Variants in RAP1GAP2 observed in about 807,000 individuals in gnomAD.
RAP1GAP2 encodes the protein RAP1 GTPase activating protein 2, also known as rap1 GTPase-activating protein 2.
Under a neutral mutation model 95.0 loss-of-function variants are expected in RAP1GAP2, and 27 were observed. That is an observed-to-expected ratio of 0.28 (90% CI 0.21 to 0.39). The LOEUF is 0.39. Ranked by LOEUF, RAP1GAP2 falls within the 10% of genes least tolerant of loss-of-function variation. The pLI, the probability that RAP1GAP2 is intolerant of heterozygous loss-of-function variation, is 1.00. For missense variants in RAP1GAP2, 771 were observed against 970.0 expected (o/e 0.79, Z 2.72); for synonymous variants, 373 against 380.9 (o/e 0.98, Z 0.24).
intron 17 of RAP1GAP2, among the ~76,000 whole-genome samples, chr17:3,009,610 C>T (rs922700877): frequency 2.0e-5 from 3 of 152,136 alleles, no homozygotes; most frequent in South Asian, 2.1e-4. Flanking sequence ...CCCCACTGCC[C>T]GGCTGGACCG....
At chr17:3,012,460 A>C (rs2046581893) in intron 17 of RAP1GAP2, among the ~76,000 whole-genome samples, 1 of 151,992 alleles carries the variant, frequency 6.6e-6, no homozygotes, top group South Asian at 2.1e-4. Flanking sequence ...TCTACTAAAA[A>C]TACAAAAATC....
At chr17:2,943,834 C>A (rs546240885) in intron 3 of RAP1GAP2, among the ~76,000 whole-genome samples, 1 of 151,944 alleles carries the variant, frequency 6.6e-6, no homozygotes, top group East Asian at 2.0e-4. Context: ...CACCTCAGAC[C>A]TGTTAGGATG....
intron 17 of RAP1GAP2, among the ~76,000 whole-genome samples, chr17:3,009,909 G>A (rs747037116): frequency 3.9e-4 from 59 of 152,130 alleles, no homozygotes; most frequent in Non-Finnish European, 7.2e-4. Flanking sequence ...AACGGGCTTG[G>A]GTCTGGGGAA....
intron 2 of RAP1GAP2, among the ~76,000 whole-genome samples, chr17:2,884,819 T>C (rs892247071): frequency 3.9e-5 from 6 of 152,182 alleles, no homozygotes; most frequent in African/African-American, 1.4e-4. Flanking sequence ...CTCACGGAAC[T>C]GTGCTTGGCA....
At chr17:3,025,309 G>A (rs918343000) in intron 19 of RAP1GAP2, among the ~76,000 whole-genome samples, 6 of 152,148 alleles carry the variant, frequency 3.9e-5, no homozygotes, top group East Asian at 1.9e-4. Flanking sequence ...CCTGGGAGGC[G>A]GAGGTTGCAG....
intron 2 of RAP1GAP2, among the ~76,000 whole-genome samples, chr17:2,813,507 C>T (rs2069863633): frequency 9.6e-6 from 1 of 104,708 alleles, no homozygotes; most frequent in Admixed American, 1.1e-4. Flanking sequence ...TTAAAATGGG[C>T]TCCTGGTGGG....
chr17:2,962,575 C>A (rs1006467862), intron 4 of RAP1GAP2, 95 bp from the exon 5 acceptor site: 14 of 1,319,752 alleles, frequency 1.1e-5, no homozygotes, highest in Non-Finnish European at 2.1e-6. Context: ...GCTGCTGCTC[C>A]TGTTACTAAC....
intron 3 of RAP1GAP2, among the ~76,000 whole-genome samples, chr17:2,945,480 T>A (rs1202369224): frequency 6.6e-6 from 1 of 152,182 alleles, no homozygotes; most frequent in Non-Finnish European, 1.5e-5. Context: ...CTTTTATTTC[T>A]TTGTTCTGGC....
chr17:2,761,079 C>T (rs980511518), intron 1 of RAP1GAP2, among the ~76,000 whole-genome samples: 4 of 151,240 alleles, frequency 2.6e-5, no homozygotes, highest in Admixed American at 6.6e-5. Context: ...CTCAGCCTCC[C>T]GAGTAGCTGG....
chr17:2,833,337 A>G (rs1279888277), intron 2 of RAP1GAP2, among the ~76,000 whole-genome samples: 1 of 151,554 alleles, frequency 6.6e-6, no homozygotes, highest in Non-Finnish European at 1.5e-5. Context: ...AGGTTTCACC[A>G]TGTTGGCCAG....
At chr17:2,990,968 C>G (rs1157892784) in intron 11 of RAP1GAP2, among the ~76,000 whole-genome samples, 2 of 151,850 alleles carry the variant, frequency 1.3e-5, no homozygotes, top group Admixed American at 1.3e-4. Context: ...TCTCAGTCTC[C>G]CGAGCAGCTG....
chr17:2,944,608 G>C (rs2043638469), intron 3 of RAP1GAP2, among the ~76,000 whole-genome samples: 1 of 152,134 alleles, frequency 6.6e-6, no homozygotes, highest in Non-Finnish European at 1.5e-5. Context: ...AAGGTTTTGA[G>C]TATTCTGGAT....
chr17:2,893,588 T>C (rs1248473364), intron 2 of RAP1GAP2, among the ~76,000 whole-genome samples: 1 of 152,242 alleles, frequency 6.6e-6, no homozygotes, highest in Non-Finnish European at 1.5e-5. Context: ...GAAGGGCGTT[T>C]ACGGGCTGGG....
chr17:3,015,999 G>T (rs2046753302), intron 17 of RAP1GAP2, among the ~76,000 whole-genome samples: 1 of 152,152 alleles, frequency 6.6e-6, no homozygotes, highest in Non-Finnish European at 1.5e-5. Context: ...TCTGAAGCTG[G>T]AGTTCTGAGA....
chr17:3,031,710 G>A (rs867593839), intron 23 of RAP1GAP2, among the ~76,000 whole-genome samples: 18 of 146,162 alleles, frequency 1.2e-4, no homozygotes, highest in African/African-American at 4.4e-4. Context: ...AGGTCCAGAT[G>A]TGAGGTGGGA....
At chr17:2,783,760 C>G (rs2068709334) in intron 1 of RAP1GAP2, among the ~76,000 whole-genome samples, 1 of 152,222 alleles carries the variant, frequency 6.6e-6, no homozygotes. Context: ...TGGAGTGTTT[C>G]AAGGTCTAGG....
chr17:2,907,522 G>A (rs1048562351), intron 3 of RAP1GAP2, among the ~76,000 whole-genome samples: 13 of 152,118 alleles, frequency 8.5e-5, no homozygotes, highest in African/African-American at 3.1e-4. Context: ...TATTCTAAAG[G>A]TGAAGCACAG....
intron 2 of RAP1GAP2, among the ~76,000 whole-genome samples, chr17:2,880,924 C>T (rs1317560405): frequency 1.3e-5 from 2 of 151,884 alleles, no homozygotes; most frequent in Non-Finnish European, 2.9e-5. Context: ...GTCAGGAGTT[C>T]GAGACCAGCC....
intron 23 of RAP1GAP2, among the ~76,000 whole-genome samples, chr17:3,031,728 G>C (rs1291724897): frequency 7.0e-6 from 1 of 142,940 alleles, no homozygotes; most frequent in Non-Finnish European, 1.5e-5. Flanking sequence ...GGAAGGGCTG[G>C]TTCCTGGGTC....
Sources: allele counts gnomAD v4.1 joint callset (sites outside exome capture counted in the v4.1 genomes callset), GRCh38; gene constraint gnomAD v4.1.1; transcripts MANE v1.5; gene names NCBI Gene and HGNC (gene_info 2026-07-23, HGNC 2026-07-21).